Variants in SWI5 observed in about 807,000 individuals in gnomAD.
SWI5 encodes the protein SWI5 homologous recombination repair protein, also known as DNA repair protein SWI5 homolog.
In SWI5, 12 loss-of-function variants were observed where a neutral mutation model predicts 17.0. The observed-to-expected ratio is 0.71, with a 90% CI of 0.45 to 1.14. The LOEUF (loss-of-function observed/expected upper bound fraction) is 1.14, where lower values mean the gene tolerates loss of function less well. Among genes scored for constraint, SWI5 ranks in the 50% most tolerant of loss-of-function variants. The probability of loss-of-function intolerance (pLI) is 0.00; values close to 1 mark genes in which losing one functional copy is unlikely to be tolerated. For missense variants in SWI5, 158 were observed against 162.2 expected (o/e 0.97, Z 0.14); for synonymous variants, 61 against 64.0 (o/e 0.95, Z 0.22).
chr9:128,285,918 T>A lies in SWI5; in HGVS notation c.234-21T>A. On this transcript the variant is annotated intron_variant, in intron 3 of 4. Transcript: ENST00000418976. The surrounding 1 kb of genome is among the most constrained non-coding windows in gnomAD (Gnocchi z 4.8). ...TTCTTAACTGGGCTGTCTTTCCCCCTCTCTCCATCGCTTATCCCAGAGGCT... is the reference window on the plus strand; with the variant it reads ...TTCTTAACTGGGCTGTCTTTCCCCCACTCTCCATCGCTTATCCCAGAGGCT... 1 of 1,579,840 alleles carries A rather than the reference T, an allele frequency of 6.3e-7. No individual in the cohort carries two copies. Among genetic ancestry groups the A allele is most frequent in the South Asian group, 1.1e-5 (1 of 90,356 alleles).
intron 2 of SWI5, 103 bp downstream of exon 2, chr9:128,276,858 C>A: frequency 8.2e-7 from 1 of 1,226,732 alleles, no homozygotes; most frequent in Non-Finnish European, 1.2e-6. Flanking sequence ...CCGCTTGGCC[C>A]TCTTCCATAT....
At chr9:128,276,560 C>T (rs756344270) in intron 1 of SWI5, 147 bp from the exon 2 acceptor site, 6 of 1,588,616 alleles carry the variant, frequency 3.8e-6, no homozygotes, top group East Asian at 2.2e-5. Context: ...TACCCTGATC[C>T]TGAGAGCGTG....
At chr9:128,278,011 G>A (rs1424467763) in intron 2 of SWI5, among the ~76,000 whole-genome samples, 1 of 144,506 alleles carries the variant, frequency 6.9e-6, no homozygotes, top group Non-Finnish European at 1.5e-5. Context: ...GGAGTGCAAT[G>A]GTGCGATCTG....
chr9:128,285,878 G>A lies in SWI5; in HGVS notation c.234-61G>A. On this transcript the variant is annotated intron_variant, in intron 3 of 4. Transcript: ENST00000418976. This position sits in a 1 kb window ranked among gnomAD's most constrained non-coding sequence, Gnocchi z 4.8. ...GATGCCTTATTACTATCTGAGCCTG[G>A]GGCCATCATCTGCTTTCTTAACTGG... is the stretch of plus-strand genomic sequence containing the variant. The A allele has an allele frequency of 8.7e-7, 1 of 1,150,234 alleles. No individual in the cohort carries two copies. The highest frequency in any genetic ancestry group is 1.3e-6 in the Non-Finnish European group (1 of 760,996). The allele number at this position is 1,150,234 out of a possible 1,614,324, so 71.3% of individuals were successfully genotyped here.
At chr9:128,276,885 G>A in intron 2 of SWI5, 130 bp downstream of exon 2, 2 of 961,148 alleles carry the variant, frequency 2.1e-6, no homozygotes, top group Non-Finnish European at 3.1e-6. Context: ...CCAGTCGACT[G>A]AGAACCGCCA....
rs1831377279 is a variant in SWI5 at position 128,276,390 on chromosome 9, C to CA, written c.51dup (p.Gly18ArgfsTer6). ...CCCCTGATCCGGGGGCCTCGGACCC[C>CA]AGGGCTCAGGAGGTGGGCGAGGAAC... On this transcript the variant is annotated frameshift_variant, in exon 1 of 5. Transcript: ENST00000418976. LOFTEE classifies it high-confidence loss of function. 1 of 1,612,942 alleles carries CA rather than the reference C, an allele frequency of 6.2e-7. No individual in the cohort carries two copies. The highest frequency in any genetic ancestry group is 1.7e-5 in the Admixed American group (1 of 59,944).
In SWI5 at chr9:128,288,755, G is replaced by A. The variant is rs548580268; in HGVS notation, c.*39G>A. 6 of 1,608,206 alleles carry A rather than the reference G, an allele frequency of 3.7e-6. No homozygotes were observed. In the Admixed American group the frequency reaches 8.3e-5, roughly 22 times the overall value. On this transcript the variant is annotated 3_prime_UTR_variant, in exon 5 of 5. Transcript: ENST00000418976. ...CCCTTGTCCACAGCTCCCAGGGACA[G>A]AAGGGTGTGGACATGATAAACACTG...
intron 1 of SWI5, 42 bp downstream of exon 1, chr9:128,276,444 C>T (rs1351309581): frequency 4.4e-6 from 7 of 1,604,150 alleles, no homozygotes; most frequent in Non-Finnish European, 6.0e-6. Context: ...CCTGACTCCT[C>T]ACAGCCCTGC....
chr9:128,280,212 C>A (rs570587912), intron 2 of SWI5, among the ~76,000 whole-genome samples: 37 of 152,192 alleles, frequency 2.4e-4, no homozygotes, highest in Non-Finnish European at 2.2e-4. Context: ...TCTCCTCTTG[C>A]CATTCTCTTT....
chr9:128,276,217 A>G (rs936666590), upstream of SWI5: 5 of 1,608,860 alleles, frequency 3.1e-6, no homozygotes, highest in Non-Finnish European at 4.2e-6. Context: ...GTCCCCGCCC[A>G]CCTCGGGAGA....
At chr9:128,287,203 T>G (rs1831655601) in intron 4 of SWI5, among the ~76,000 whole-genome samples, 1 of 147,850 alleles carries the variant, frequency 6.8e-6, no homozygotes, top group Admixed American at 6.7e-5. Flanking sequence ...CAGCAGCACT[T>G]TGGGAGGCCG....
intron 2 of SWI5, among the ~76,000 whole-genome samples, chr9:128,281,693 C>G (rs1467585651): frequency 6.6e-6 from 1 of 152,264 alleles, no homozygotes; most frequent in African/African-American, 2.4e-5. Flanking sequence ...TCCCTTCCCT[C>G]ATGGAGCTTA....
intron 4 of SWI5, among the ~76,000 whole-genome samples, chr9:128,287,252 C>T (rs1448415127): frequency 6.6e-6 from 1 of 151,558 alleles, no homozygotes; most frequent in Non-Finnish European, 1.5e-5. Context: ...CAAGACCAGC[C>T]TGGCCAACGC....
chr9:128,276,805 G>T, intron 2 of SWI5, 50 bp downstream of exon 2: 1 of 1,542,690 alleles, frequency 6.5e-7, no homozygotes, highest in Non-Finnish European at 8.8e-7. Flanking sequence ...ACCTTCCCTT[G>T]TGCGCTCCCG....
chr9:128,287,797 A>G (rs1221065597), intron 4 of SWI5, among the ~76,000 whole-genome samples: 1 of 151,148 alleles, frequency 6.6e-6, no homozygotes, highest in Non-Finnish European at 1.5e-5. Flanking sequence ...CCTGACCCCA[A>G]GTGATCCACC....
Position 128,285,838 on chromosome 9 carries a change from G to T in SWI5, c.234-101G>T. 2.6e-6 allele frequency: 2 copies of T among 763,352 alleles called. No individual in the cohort carries two copies. Among genetic ancestry groups the T allele is most frequent in the East Asian group, 2.5e-5 (1 of 39,974 alleles). The allele number at this position is 763,352 out of a possible 1,614,324, so 47.3% of individuals were successfully genotyped here. ...CACCATATCCCTAGTACCTATCACC[G>T]AGTAGGCCATTACAGATGCCTTATT... On this transcript the variant is annotated intron_variant, in intron 3 of 4. Transcript: ENST00000418976. This position sits in a 1 kb window ranked among gnomAD's most constrained non-coding sequence, Gnocchi z 4.8.
At chr9:128,284,083 G>A (rs1278118485) in intron 2 of SWI5, among the ~76,000 whole-genome samples, 1 of 151,834 alleles carries the variant, frequency 6.6e-6, no homozygotes, top group Admixed American at 6.6e-5. Flanking sequence ...AGATCACGAG[G>A]TCAGGAGTTC....
chr9:128,287,077 G>A lies in SWI5; in HGVS notation c.328+1044G>A, dbSNP rs967598940. On this transcript the variant is annotated intron_variant, in intron 4 of 4. Transcript: ENST00000418976. ...ACTCGCTTGAACCCGGGAGGCAGAG[G>A]TTGTGGTGAGCTGAGATCATGCCAT... is the stretch of plus-strand genomic sequence containing the variant. 2.0e-5 allele frequency among the ~76,000 whole-genome samples: 3 copies of A among 148,838 alleles called. No individual in the cohort carries two copies. The Admixed American group carries it at 2.0e-4, about 10-fold the overall frequency.
chr9:128,282,627 T>C (rs2131420272), intron 2 of SWI5, among the ~76,000 whole-genome samples: 1 of 152,318 alleles, frequency 6.6e-6, no homozygotes, highest in South Asian at 2.1e-4. Context: ...GTCTCATTCA[T>C]TGCTGCGCTC....
Sources: gnomAD v4.1 joint callset for allele counts (sites outside exome capture counted in the v4.1 genomes callset) on GRCh38, gnomAD v4.1.1 for gene constraint, Gnocchi (gnomAD v3.1) non-coding constraint, MANE v1.5 for transcripts, NCBI Gene and HGNC (gene_info 2026-07-23, HGNC 2026-07-21) for gene names.